Variants in NTRK2 observed in about 807,000 individuals in gnomAD.
NTRK2 encodes the protein BDNF/NT-3 growth factors receptor.
A neutral mutation model predicts 94.5 loss-of-function variants in NTRK2; 13 were observed. That is an observed-to-expected ratio of 0.14 (90% CI 0.09 to 0.22). The LOEUF is 0.22. Ranked by LOEUF, NTRK2 falls within the 10% of genes least tolerant of loss-of-function variation. The pLI is 1.00. For missense variants in NTRK2, 639 were observed against 1,071.2 expected (o/e 0.60, Z 5.63); for synonymous variants, 372 against 407.4 (o/e 0.91, Z 1.05).
chr9:84,878,712 T>G (rs2076163855), intron 14 of NTRK2, among the ~76,000 whole-genome samples: 1 of 152,164 alleles, frequency 6.6e-6, no homozygotes, highest in Non-Finnish European at 1.5e-5. Context: ...TGCATTACAC[T>G]TAATATAATT....
intron 17 of NTRK2, among the ~76,000 whole-genome samples, chr9:84,967,529 AG>A (rs1825696274): frequency 6.6e-6 from 1 of 152,260 alleles, no homozygotes; most frequent in East Asian, 1.9e-4. Context: ...GAAATGGAAC[AG>A]TTTCTTCCCT....
In NTRK2 at chr9:85,020,189, G is replaced by T. The variant is rs2117924842; in HGVS notation, c.2173-17G>T. 6.2e-7 allele frequency: 1 copy of T among 1,613,876 alleles called. No homozygotes were observed. The highest frequency in any genetic ancestry group is 1.1e-5 in the South Asian group (1 of 91,042). On this transcript the variant is annotated splice_polypyrimidine_tract_variant and intron_variant, in intron 17 of 18. Transcript: ENST00000277120. ...TCGGGGTGACTGATGCCTCCCTGTTGATCCCTTTCTCCCCAGGTCGGTGGC... is the reference window on the plus strand; with the variant it reads ...TCGGGGTGACTGATGCCTCCCTGTTTATCCCTTTCTCCCCAGGTCGGTGGC...
At chr9:84,840,892 G>A (rs868569644) in intron 12 of NTRK2, among the ~76,000 whole-genome samples, 2 of 152,130 alleles carry the variant, frequency 1.3e-5, no homozygotes, top group Non-Finnish European at 2.9e-5. Flanking sequence ...TATCCTACTT[G>A]GCCTGTTGGA....
At chr9:84,863,810 T>C (rs544147618) in intron 13 of NTRK2, among the ~76,000 whole-genome samples, 20 of 152,358 alleles carry the variant, frequency 1.3e-4, no homozygotes, top group African/African-American at 4.6e-4. Flanking sequence ...GTTTATGTGT[T>C]ACTCACATTT....
chr9:84,994,174 C>A (rs979920781), intron 17 of NTRK2, among the ~76,000 whole-genome samples: 3 of 151,942 alleles, frequency 2.0e-5, no homozygotes, highest in Admixed American at 2.0e-4. Context: ...TTGAATATTT[C>A]TTCTAATTCT....
chr9:85,000,382 G>C (rs974941702), intron 17 of NTRK2, among the ~76,000 whole-genome samples: 2 of 152,096 alleles, frequency 1.3e-5, no homozygotes, highest in African/African-American at 4.8e-5. Context: ...AAAATCCTCC[G>C]TGTGTCTCCT....
At chr9:84,854,575 A>T (rs2074965115) in intron 12 of NTRK2, among the ~76,000 whole-genome samples, 1 of 152,120 alleles carries the variant, frequency 6.6e-6, no homozygotes, top group Admixed American at 6.6e-5. Context: ...AGAAATTCTG[A>T]TTGAAGTGTG....
At chr9:84,816,191 G>A (rs2072379480) in intron 12 of NTRK2, among the ~76,000 whole-genome samples, 1 of 152,138 alleles carries the variant, frequency 6.6e-6, no homozygotes. Flanking sequence ...AGGGGAATAT[G>A]TTGGATGTAG....
At position 84,734,073 on chromosome 9, in the gene NTRK2, C is replaced by T. The variant is rs115414689; in HGVS notation, c.1159+6114C>T. Among the ~76,000 whole-genome samples, 1,070 of 152,246 alleles carry T rather than the reference C, an allele frequency of 7.0e-3. 18 individuals carry two copies. Among genetic ancestry groups the T allele is most frequent in the African/African-American group, 0.024 (989 of 41,540 alleles). On this transcript the variant is annotated intron_variant, in intron 9 of 18. Transcript: ENST00000277120. ...TGAGTTCCATCCTCCATGATCTTTG[C>T]GGCTTTGAGCAATTTTCTTAACACC...
chr9:84,853,740 A>T (rs1026996397), intron 12 of NTRK2, among the ~76,000 whole-genome samples: 1 of 152,176 alleles, frequency 6.6e-6, no homozygotes, highest in Non-Finnish European at 1.5e-5. Flanking sequence ...TCACCACCCC[A>T]GCACTTGACT....
chr9:84,876,639 A>AT (rs2076078664), intron 14 of NTRK2: 2 of 1,058,928 alleles, frequency 1.9e-6, no homozygotes, highest in Non-Finnish European at 2.3e-6. Context: ...TACCCACATG[A>AT]TTTTTCCATC....
chr9:85,023,804 T>C lies in NTRK2; in HGVS notation c.*2367T>C, dbSNP rs543900993. The C allele has an allele frequency of 5.6e-5, 13 of 230,294 alleles. No individual in the cohort carries two copies. In the East Asian group the frequency reaches 8.0e-4, roughly 14 times the overall value. 14.3% of individuals were successfully genotyped at this position (230,294 alleles called of 1,614,324 possible). A position where few individuals can be genotyped will look rare whatever the true frequency, so the allele number is the denominator to read the frequency against. ...TCCATCAGCAAAAACCAACACAGGT[T>C]TGTCACGCTGCATGTCTGGCCAGCT... On this transcript the variant is annotated 3_prime_UTR_variant, in exon 19 of 19. Coordinates refer to ENST00000277120, the MANE Select transcript of NTRK2 (RefSeq NM_006180.6).
chr9:84,982,243 T>C (rs1263547827), intron 17 of NTRK2, among the ~76,000 whole-genome samples: 1 of 152,162 alleles, frequency 6.6e-6, no homozygotes, highest in Admixed American at 6.5e-5. Flanking sequence ...CCCACAAGGG[T>C]ACATGTCAGG....
chr9:84,884,560 C>A lies in NTRK2; in HGVS notation c.1633+17129C>A, dbSNP rs535355421. Reference sequence around the variant, plus strand: ...TTCCTAATTATACACATTTACTGAACATGAGGACATTTTTGCATTTTGTCT... The same window carrying A: ...TTCCTAATTATACACATTTACTGAAAATGAGGACATTTTTGCATTTTGTCT... On this transcript the variant is annotated intron_variant, in intron 14 of 18. Coordinates refer to ENST00000277120, the MANE Select transcript of NTRK2 (RefSeq NM_006180.6). Among the ~76,000 whole-genome samples, 7 of 152,288 alleles carry A rather than the reference C, an allele frequency of 4.6e-5. No individual in the cohort carries two copies. The South Asian group carries it at 1.5e-3, about 32-fold the overall frequency.
At chr9:84,716,566 G>A (rs930270664) in intron 6 of NTRK2, among the ~76,000 whole-genome samples, 1 of 152,204 alleles carries the variant, frequency 6.6e-6, no homozygotes, top group African/African-American at 2.4e-5. Flanking sequence ...GGAAGTTAGA[G>A]TGATATGAAA....
intron 14 of NTRK2, among the ~76,000 whole-genome samples, chr9:84,910,593 G>T (rs1390033488): frequency 6.6e-6 from 1 of 151,882 alleles, no homozygotes; most frequent in Non-Finnish European, 1.5e-5. Flanking sequence ...TCCAAATAAG[G>T]TCCCAATCTG....
intron 12 of NTRK2, among the ~76,000 whole-genome samples, chr9:84,834,813 T>C (rs2073777000): frequency 6.6e-6 from 1 of 152,190 alleles, no homozygotes; most frequent in African/African-American, 2.4e-5. Context: ...CAGGGCTGCC[T>C]GCTTGGTTTA....
intron 14 of NTRK2, among the ~76,000 whole-genome samples, chr9:84,933,699 T>A (rs1293011377): frequency 6.6e-6 from 1 of 152,144 alleles, no homozygotes; most frequent in Non-Finnish European, 1.5e-5. Context: ...GATCTTGCAT[T>A]TTCCTTTTGT....
At chr9:84,855,192 GATTT>G (rs2075006868) in intron 12 of NTRK2, among the ~76,000 whole-genome samples, 1 of 152,106 alleles carries the variant, frequency 6.6e-6, no homozygotes, top group African/African-American at 2.4e-5. Context: ...GCAATAATCT[GATTT>G]ATACTTGAAA....
Sources: allele counts gnomAD v4.1 joint callset (sites outside exome capture counted in the v4.1 genomes callset), GRCh38; gene constraint gnomAD v4.1.1; transcripts MANE v1.5; gene names NCBI Gene and HGNC (gene_info 2026-07-23, HGNC 2026-07-21).